PCDHGB4: variants seen among roughly 807,000 people sequenced by gnomAD.
PCDHGB4 encodes the protein protocadherin gamma subfamily B, 4.
A neutral mutation model predicts 60.5 loss-of-function variants in PCDHGB4; 38 were observed. The observed-to-expected ratio is 0.63, with a 90% CI of 0.48 to 0.82. The LOEUF is 0.82. PCDHGB4 is among the 40% of genes least tolerant of loss of function. The pLI, the probability that PCDHGB4 is intolerant of heterozygous loss-of-function variation, is 0.00. For missense variants in PCDHGB4, 1,109 were observed against 1,209.6 expected, an observed-to-expected ratio of 0.92 and a Z score of 1.23; for synonymous variants, 456 against 509.7, an observed-to-expected ratio of 0.89 and a Z score of 1.42.
At position 141,485,791 on chromosome 5, in the gene PCDHGB4, G is replaced by A; in HGVS notation, c.2398-9016G>A. The A allele has an allele frequency of 6.2e-7, 1 of 1,614,196 alleles. No homozygotes were observed. The highest frequency in any genetic ancestry group is 8.5e-7 in the Non-Finnish European group (1 of 1,180,032). ...AGCCTTTGGATCGAGAGAAGCAATC[G>A]GACTACCGCCTGGTGCTGACTGCTG... On this transcript the variant is annotated intron_variant, in intron 1 of 3. Transcript: ENST00000519479. The surrounding 1 kb of genome is among the most constrained non-coding windows in gnomAD (Gnocchi z 5.7).
rs759346998 is a variant in PCDHGB4 at position 141,410,849 on chromosome 5, CTTTTT to C, written c.2397+20586_2397+20590del. On this transcript the variant is annotated intron_variant, in intron 1 of 3. Transcript: ENST00000519479. ...CAGACTGAAGATATTTTGTCTTTGT[CTTTTT>C]TTTTTTTTTTTTTTTTTGAGATGGA... 1.3e-3 allele frequency: 178 copies of C among 137,948 alleles called. 1 individual carries two copies. Among genetic ancestry groups the C allele is most frequent in the East Asian group, 2.3e-3 (10 of 4,422 alleles). 8.5% of individuals were successfully genotyped at this position (137,948 alleles called of 1,614,324 possible). A position where few individuals can be genotyped will look rare whatever the true frequency, so the allele number is the denominator to read the frequency against.
Position 141,433,012 on chromosome 5 carries a change from G to C in PCDHGB4, c.2397+42731G>C. 1 of 1,614,172 alleles carries C rather than the reference G, an allele frequency of 6.2e-7. No homozygotes were observed. Among genetic ancestry groups the C allele is most frequent in the South Asian group, 1.1e-5 (1 of 91,080 alleles). The stretch of plus-strand genomic sequence containing the variant: ...TGGACGGGGTGCAGGCTTTCCTGCA[G>C]ACCTATTCCCACGAGGTTTCCCTCA... On this transcript the variant is annotated intron_variant, in intron 1 of 3. Coordinates refer to ENST00000519479, the MANE Select transcript of PCDHGB4 (RefSeq NM_003736.4).
At chr5:141,479,241 G>T (rs2099490987) in intron 1 of PCDHGB4, 1 of 152,174 alleles carries the variant, frequency 6.6e-6, no homozygotes, top group Admixed American at 6.5e-5. Context: ...CAAACCCAAA[G>T]ATAACCATTT....
intron 1 of PCDHGB4, chr5:141,395,065 A>G: frequency 6.2e-7 from 1 of 1,614,132 alleles, no homozygotes; most frequent in South Asian, 1.1e-5. Context: ...GCTTTCCTGC[A>G]GACCTATTCC....
Position 141,477,689 on chromosome 5 carries a change from C to T in PCDHGB4, c.2398-17118C>T. The T allele has an allele frequency of 6.2e-7, 1 of 1,614,156 alleles. No individual in the cohort carries two copies. The highest frequency in any genetic ancestry group is 8.5e-7 in the Non-Finnish European group (1 of 1,180,024). ...TGGCATAGTGTCATCCTTAGTGCCC[C>T]TAGACTATGAGGATCGGCGGGAATT... On this transcript the variant is annotated intron_variant, in intron 1 of 3. Transcript: ENST00000519479. This position sits in a 1 kb window ranked among gnomAD's most constrained non-coding sequence, Gnocchi z 4.9.
In PCDHGB4 at chr5:141,485,610, C is replaced by A; in HGVS notation, c.2398-9197C>A. ...CTGGACTTGGAAATTGGGGAGGCAGCTCCTCCAGGACAGCGTTTCCCGTTG... is the reference window on the plus strand; with the variant it reads ...CTGGACTTGGAAATTGGGGAGGCAGATCCTCCAGGACAGCGTTTCCCGTTG... On this transcript the variant is annotated intron_variant, in intron 1 of 3. Coordinates refer to ENST00000519479, the MANE Select transcript of PCDHGB4 (RefSeq NM_003736.4). This position sits in a 1 kb window ranked among gnomAD's most constrained non-coding sequence, Gnocchi z 5.7. The A allele has an allele frequency of 1.2e-6, 2 of 1,612,076 alleles. No individual in the cohort carries two copies. The highest frequency in any genetic ancestry group is 1.7e-6 in the Non-Finnish European group (2 of 1,178,616).
At chr5:141,422,897 A>AT (rs778069795) in intron 1 of PCDHGB4, 4 of 1,614,212 alleles carry the variant, frequency 2.5e-6, no homozygotes, top group Non-Finnish European at 3.4e-6. Flanking sequence ...CTGGACCAGA[A>AT]CGACAATGCG....
chr5:141,437,247 C>T (rs2097870457), intron 1 of PCDHGB4, among the ~76,000 whole-genome samples: 2 of 152,090 alleles, frequency 1.3e-5, no homozygotes, highest in Non-Finnish European at 2.9e-5. Context: ...AAGGACTTTC[C>T]TTGTCTTTTT....
chr5:141,444,947 C>G (rs2098452252), intron 1 of PCDHGB4, among the ~76,000 whole-genome samples: 1 of 152,054 alleles, frequency 6.6e-6, no homozygotes, highest in Non-Finnish European at 1.5e-5. Context: ...GGAGGAGGAT[C>G]ATCTTAACAA....
At chr5:141,395,194 C>G in intron 1 of PCDHGB4, 1 of 1,613,922 alleles carries the variant, frequency 6.2e-7, no homozygotes, top group Non-Finnish European at 8.5e-7. Flanking sequence ...TTGTTAACAT[C>G]CGTAGATTTT....
intron 1 of PCDHGB4, chr5:141,394,156 AC>A (rs2092929687): frequency 6.2e-7 from 1 of 1,613,556 alleles, no homozygotes; most frequent in Admixed American, 1.7e-5. Flanking sequence ...ATTAACGACA[AC>A]CCTCCTACTT....
Position 141,389,942 on chromosome 5 carries a change from G to T in PCDHGB4, c.2058G>T (p.Leu686=). 1.2e-6 allele frequency: 2 copies of T among 1,614,070 alleles called. No individual in the cohort carries two copies. Among genetic ancestry groups the T allele is most frequent in the African/African-American group, 2.7e-5 (2 of 75,074 alleles). ...RPDPSDLQAE[L]QFYLVVALAL... The stretch of plus-strand genomic sequence containing the variant: ...ACCCCTCTGACCTCCAGGCTGAGCT[G>T]CAGTTTTACCTAGTGGTGGCCTTGG... The change falls in exon 1 of 4, where the codon CTG becomes CTT. Residue 686 remains leucine, a synonymous_variant. Coordinates refer to ENST00000519479, the MANE Select transcript of PCDHGB4 (RefSeq NM_003736.4).
chr5:141,499,763 T>C (rs2099794343), intron 2 of PCDHGB4, among the ~76,000 whole-genome samples: 1 of 148,434 alleles, frequency 6.7e-6, no homozygotes, highest in African/African-American at 2.5e-5. Flanking sequence ...CTCAGCTCAC[T>C]GCAGCCTTCG....
chr5:141,460,507 G>A (rs2098991001), intron 1 of PCDHGB4, among the ~76,000 whole-genome samples: 1 of 152,036 alleles, frequency 6.6e-6, no homozygotes. Context: ...ATGCTGAGAA[G>A]GCTATCTTTT....
intron 1 of PCDHGB4, chr5:141,394,586 G>T: frequency 3.1e-6 from 5 of 1,613,888 alleles, no homozygotes; most frequent in Non-Finnish European, 4.2e-6. Context: ...TGACCAAGGT[G>T]GTGGCGGTGG....
rs188874944 is a variant in PCDHGB4, at chr5:141,446,708, C to T, written c.2398-48099C>T. Among the ~76,000 whole-genome samples, 183 of 152,314 alleles carry T rather than the reference C, an allele frequency of 1.2e-3. 1 individual carries two copies. The highest frequency in any genetic ancestry group is 2.1e-3 in the Admixed American group (32 of 15,302). On this transcript the variant is annotated intron_variant, in intron 1 of 3. Coordinates refer to ENST00000519479, the MANE Select transcript of PCDHGB4 (RefSeq NM_003736.4). ...GGCCAGGCTGGTCTCGAACTCTGAT[C>T]TGCCCGCCTCGGCCTCCCAAAGTGT...
At chr5:141,499,908 G>T (rs903753761) in intron 2 of PCDHGB4, among the ~76,000 whole-genome samples, 1 of 151,980 alleles carries the variant, frequency 6.6e-6, no homozygotes, top group African/African-American at 2.4e-5. Flanking sequence ...GGCTGGTCTT[G>T]AACTCCTGGC....
At chr5:141,469,721 A>G (rs1238006043) in intron 1 of PCDHGB4, among the ~76,000 whole-genome samples, 5 of 152,270 alleles carry the variant, frequency 3.3e-5, no homozygotes, top group African/African-American at 1.2e-4. Context: ...TTAGGAATTT[A>G]TCATAAATAC....
rs779183487 is a variant in PCDHGB4, at chr5:141,430,845, C to T, written c.2397+40564C>T. ...GGGACTCTGTGGGAGACCGGATGCA[C>T]CCAGATACGCTATTCAGTTCCGGAA... On this transcript the variant is annotated intron_variant, in intron 1 of 3. Coordinates refer to ENST00000519479, the MANE Select transcript of PCDHGB4 (RefSeq NM_003736.4). 27 of 1,575,514 alleles carry T rather than the reference C, an allele frequency of 1.7e-5. No individual in the cohort carries two copies. In the African/African-American group the frequency reaches 3.7e-4, roughly 21 times the overall value.
Sources: gnomAD v4.1 joint callset for allele counts (sites outside exome capture counted in the v4.1 genomes callset) on GRCh38, gnomAD v4.1.1 for gene constraint, Gnocchi (gnomAD v3.1) non-coding constraint, MANE v1.5 for transcripts, NCBI Gene and HGNC (gene_info 2026-07-23, HGNC 2026-07-21) for gene names.